PITPNA: variants seen among roughly 807,000 people sequenced by gnomAD.
The protein encoded by PITPNA is phosphatidylinositol transfer protein alpha.
A neutral mutation model predicts 50.3 loss-of-function variants in PITPNA; 13 were observed. That is an observed-to-expected ratio of 0.26 (90% CI 0.17 to 0.41). PITPNA has a LOEUF of 0.41. PITPNA is among the 10% of genes least tolerant of loss of function. The probability of loss-of-function intolerance (pLI) is 1.00; values close to 1 mark genes in which losing one functional copy is unlikely to be tolerated. For missense variants in PITPNA, 207 were observed against 333.4 expected (o/e 0.62, Z 2.95); for synonymous variants, 120 against 119.6 (o/e 1.00, Z -0.02).
intron 3 of PITPNA, 97 bp from the exon 4 acceptor site, chr17:1,548,484 C>T (rs895479343): frequency 6.3e-5 from 52 of 830,716 alleles, no homozygotes; most frequent in Non-Finnish European, 9.1e-5. Flanking sequence ...AGCTGACAAG[C>T]AAGTTTCCAT....
chr17:1,560,535 A>G (rs140963298), intron 1 of PITPNA, among the ~76,000 whole-genome samples: 98 of 152,252 alleles, frequency 6.4e-4, no homozygotes, highest in African/African-American at 2.3e-3. Flanking sequence ...AGGGGAGGAG[A>G]ACAAAGACAG....
rs369608620 is a variant in PITPNA at position 1,533,464 on chromosome 17, C to T, written c.768+635G>A. ...AGGTAAAGGCCCTCAGAATGGTAGA[C>T]GGCACACAGTGAGTGCTTGAATGTT... On this transcript the variant is annotated intron_variant, in intron 10 of 11. Coordinates refer to ENST00000313486, the MANE Select transcript of PITPNA (RefSeq NM_006224.4). Among the ~76,000 whole-genome samples, 8 of 152,184 alleles carry T rather than the reference C, an allele frequency of 5.3e-5. No homozygotes were observed. The South Asian group carries it at 8.3e-4, about 16-fold the overall frequency.
At chr17:1,537,599 A>G (rs1287057624) in intron 7 of PITPNA, among the ~76,000 whole-genome samples, 3 of 152,228 alleles carry the variant, frequency 2.0e-5, no homozygotes, top group African/African-American at 4.8e-5. Flanking sequence ...AAATACTCAA[A>G]GAATCATACT....
intron 4 of PITPNA, among the ~76,000 whole-genome samples, chr17:1,545,581 T>C (rs1290603158): frequency 1.3e-5 from 2 of 152,204 alleles, no homozygotes; most frequent in African/African-American, 4.8e-5. Context: ...CTCCATGAAA[T>C]ATTTAGAAAT....
chr17:1,535,834 G>T (rs1182735708), intron 7 of PITPNA: 1 of 324,750 alleles, frequency 3.1e-6, no homozygotes, highest in Admixed American at 4.6e-5. Context: ...CAGATCACCA[G>T]GGAAGACCTT....
At position 1,550,339 on chromosome 17, in the gene PITPNA, A is replaced by G. The variant is rs566953740; in HGVS notation, c.198-1952T>C. ...TGTGAGAACACAGTGGGGGACATGC[A>G]GTGCACCGGGCAGGCTCTGCGAGGA... On this transcript the variant is annotated intron_variant, in intron 3 of 11. Coordinates refer to ENST00000313486, the MANE Select transcript of PITPNA (RefSeq NM_006224.4). 2.6e-5 allele frequency among the ~76,000 whole-genome samples: 4 copies of G among 152,310 alleles called. No individual in the cohort carries two copies. The South Asian group carries it at 8.3e-4, about 32-fold the overall frequency.
chr17:1,525,348 C>T (rs889263641), intron 10 of PITPNA, among the ~76,000 whole-genome samples: 37 of 152,046 alleles, frequency 2.4e-4, no homozygotes, highest in Non-Finnish European at 4.4e-4. Context: ...TCGTTCCAGA[C>T]ACTGTCCTAT....
At chr17:1,541,982 T>C (rs2075650236) in intron 5 of PITPNA, among the ~76,000 whole-genome samples, 1 of 151,836 alleles carries the variant, frequency 6.6e-6, no homozygotes, top group Non-Finnish European at 1.5e-5. Flanking sequence ...GGCGGATCAC[T>C]TGAGGTCACA....
intron 10 of PITPNA, among the ~76,000 whole-genome samples, chr17:1,527,024 C>T (rs950471698): frequency 5.3e-5 from 8 of 152,120 alleles, no homozygotes; most frequent in African/African-American, 1.4e-4. Context: ...TCCCAAAGTG[C>T]TGGGATTACA....
At chr17:1,534,039 AAC>A (rs2075600316) in intron 10 of PITPNA, 58 bp downstream of exon 10, 16 of 1,603,038 alleles carry the variant, frequency 1.0e-5, no homozygotes, top group Non-Finnish European at 1.3e-5. Context: ...GCCCCAGCAA[AAC>A]AGTCTCCTTA....
chr17:1,546,688 C>T (rs1173178556), intron 4 of PITPNA, among the ~76,000 whole-genome samples: 1 of 152,158 alleles, frequency 6.6e-6, no homozygotes, highest in Non-Finnish European at 1.5e-5. Context: ...CAGGACTCCC[C>T]AGGGTTATGA....
intron 1 of PITPNA, among the ~76,000 whole-genome samples, chr17:1,560,875 G>C (rs1334592201): frequency 1.3e-5 from 2 of 152,320 alleles, no homozygotes; most frequent in African/African-American, 4.8e-5. Context: ...GAGGTGTTTA[G>C]CTGGGATGAC....
intron 6 of PITPNA, among the ~76,000 whole-genome samples, chr17:1,540,436 G>A (rs1247535806): frequency 1.3e-5 from 2 of 152,100 alleles, no homozygotes; most frequent in Non-Finnish European, 2.9e-5. Context: ...AATATGAAGG[G>A]CGGCATGCAC....
At chr17:1,539,850 C>A (rs985921458) in intron 6 of PITPNA, among the ~76,000 whole-genome samples, 1 of 152,360 alleles carries the variant, frequency 6.6e-6, no homozygotes, top group Non-Finnish European at 1.5e-5. Flanking sequence ...GATTATCCTA[C>A]CTCAGCTTCC....
At chr17:1,546,052 C>T (rs554146397) in intron 4 of PITPNA, among the ~76,000 whole-genome samples, 1 of 151,376 alleles carries the variant, frequency 6.6e-6, no homozygotes, top group East Asian at 1.9e-4. Context: ...CTCAGCCTCC[C>T]AAGTAGCTGG....
At chr17:1,550,008 T>G (rs1407836381) in intron 3 of PITPNA, among the ~76,000 whole-genome samples, 1 of 152,150 alleles carries the variant, frequency 6.6e-6, no homozygotes, top group African/African-American at 2.4e-5. Flanking sequence ...CTGTCCAGTC[T>G]TTGGCAAGCT....
intron 6 of PITPNA, among the ~76,000 whole-genome samples, chr17:1,539,431 G>C (rs1769223074): frequency 6.6e-6 from 1 of 150,878 alleles, no homozygotes; most frequent in South Asian, 2.1e-4. Context: ...TGAGGAGCTG[G>C]GCCCTAGTGA....
At chr17:1,541,881 A>G in intron 5 of PITPNA, 1 of 604,110 alleles carries the variant, frequency 1.7e-6, no homozygotes, top group South Asian at 1.5e-5. Context: ...ATGAGGTTCA[A>G]AGAGGTTAGG....
Position 1,525,178 on chromosome 17 carries a change from C to T in PITPNA, c.769-3533G>A, listed in dbSNP as rs559408685. Among the ~76,000 whole-genome samples the T allele has an allele frequency of 1.7e-4, 26 of 151,810 alleles. No homozygotes were observed. The East Asian group carries it at 3.9e-3, about 23-fold the overall frequency. On this transcript the variant is annotated intron_variant, in intron 10 of 11. Coordinates refer to ENST00000313486, the MANE Select transcript of PITPNA (RefSeq NM_006224.4). Reference sequence around the variant, plus strand: ...CTAATTTTTGTATTTTTAGTACAGACGGGGTTTCACCATGTTGGTCAGGCT... The same window carrying T: ...CTAATTTTTGTATTTTTAGTACAGATGGGGTTTCACCATGTTGGTCAGGCT...
Sources: allele counts gnomAD v4.1 joint callset (sites outside exome capture counted in the v4.1 genomes callset), GRCh38; gene constraint gnomAD v4.1.1; transcripts MANE v1.5; gene names NCBI Gene and HGNC (gene_info 2026-07-23, HGNC 2026-07-21).